Variants in GPHN observed in about 807,000 individuals in gnomAD.
The protein encoded by GPHN is gephyrin.
Under a neutral mutation model 95.5 loss-of-function variants are expected in GPHN, and 17 were observed. That is an observed-to-expected ratio of 0.18 (90% confidence interval 0.12 to 0.27). GPHN has a LOEUF of 0.27. Ranked by LOEUF, GPHN falls within the 10% of genes least tolerant of loss-of-function variation. The pLI is 1.00. For missense variants in GPHN, 660 were observed against 978.1 expected, an observed-to-expected ratio of 0.67 and a Z score of 4.34; for synonymous variants, 320 against 322.5, an observed-to-expected ratio of 0.99 and a Z score of 0.08.
intron 3 of GPHN, among the ~76,000 whole-genome samples, chr14:66,813,394 T>G (rs1031075518): frequency 2.6e-5 from 4 of 152,042 alleles, no homozygotes; most frequent in African/African-American, 9.7e-5. Flanking sequence ...GGAGAAGACA[T>G]AGAAGCTGGG....
chr14:66,827,873 AGT>A (rs1261710824), intron 4 of GPHN, among the ~76,000 whole-genome samples: 6 of 151,978 alleles, frequency 3.9e-5, no homozygotes, highest in Admixed American at 3.9e-4. Flanking sequence ...CTAGTTGACA[AGT>A]GTCTGTTTCC....
the GPHN span, chr14:67,221,894 G>C: frequency 6.5e-7 from 1 of 1,527,212 alleles, no homozygotes; most frequent in South Asian, 1.2e-5. Flanking sequence ...GTGTGGCTAA[G>C]AGCAAAGGAA....
At chr14:67,509,610 C>T in the GPHN span, among the ~76,000 whole-genome samples, 94,677 of 151,888 alleles carry the variant, frequency 0.62, 31,584 homozygotes, top group Non-Finnish European at 0.76. Context: ...TGAGCCACCG[C>T]ACCTGGTCAA....
At chr14:67,541,825 G>A in the GPHN span, 1 of 1,523,142 alleles carries the variant, frequency 6.6e-7, no homozygotes, top group Non-Finnish European at 8.8e-7. Flanking sequence ...TCTGCATGCT[G>A]GTTCTTAGGG....
intron 11 of GPHN, among the ~76,000 whole-genome samples, chr14:67,072,435 T>C (rs2076347282): frequency 6.6e-6 from 1 of 152,106 alleles, no homozygotes; most frequent in Admixed American, 6.6e-5. Flanking sequence ...TTAGAGCACC[T>C]AGTGCTGCAA....
the GPHN span, among the ~76,000 whole-genome samples, chr14:67,345,201 C>T: frequency 6.6e-6 from 1 of 152,044 alleles, no homozygotes; most frequent in African/African-American, 2.4e-5. Context: ...GGGATTATGC[C>T]ACTGCACTCC....
At chr14:67,596,295 A>ATTTTTTTT in the GPHN span, among the ~76,000 whole-genome samples, 248 of 60,222 alleles carry the variant, frequency 4.1e-3, 51 homozygotes, top group East Asian at 0.018. Context: ...CGCCCAGCTA[A>ATTTTTTTT]TTTTTTTTTT....
At chr14:67,224,914 G>A in the GPHN span, 2 of 444,650 alleles carry the variant, frequency 4.5e-6, no homozygotes, top group Non-Finnish European at 7.8e-6. Flanking sequence ...ACCTGCTTGT[G>A]AAATTCAACA....
chr14:67,616,212 C>CT, the GPHN span: 1 of 202,440 alleles, frequency 4.9e-6, no homozygotes, highest in South Asian at 8.4e-5. Context: ...AAACTGTACA[C>CT]TGTCTTTTTT....
intron 1 of GPHN, among the ~76,000 whole-genome samples, chr14:66,515,189 T>A (rs2139731723): frequency 6.6e-6 from 1 of 152,296 alleles, no homozygotes. Flanking sequence ...GATTTTAAAG[T>A]TCTTGAGATA....
chr14:67,143,954 T>C (rs2080658934), intron 18 of GPHN, among the ~76,000 whole-genome samples: 1 of 151,542 alleles, frequency 6.6e-6, no homozygotes, highest in African/African-American at 2.4e-5. Flanking sequence ...AATGAAAATA[T>C]GGCCAGGCAC....
the GPHN span, among the ~76,000 whole-genome samples, chr14:67,198,648 G>A: frequency 9.9e-5 from 15 of 152,212 alleles, 3 homozygotes; most frequent in East Asian, 1.9e-4. Flanking sequence ...TTTCTTAGGC[G>A]TAGAAGACAT....
chr14:66,623,307 C>T (rs1311340904), intron 1 of GPHN, among the ~76,000 whole-genome samples: 11 of 152,100 alleles, frequency 7.2e-5, no homozygotes, highest in Admixed American at 7.2e-4. Context: ...CAGGTTCCTC[C>T]CAAGACATGT....
At chr14:66,732,636 C>T (rs1250218482) in intron 2 of GPHN, among the ~76,000 whole-genome samples, 2 of 152,172 alleles carry the variant, frequency 1.3e-5, no homozygotes, top group African/African-American at 4.8e-5. Context: ...TCTGCCTCAG[C>T]CTCCCATGTA....
At chr14:66,941,969 A>C (rs1313995950) in intron 8 of GPHN, among the ~76,000 whole-genome samples, 1 of 152,282 alleles carries the variant, frequency 6.6e-6, no homozygotes, top group African/African-American at 2.4e-5. Flanking sequence ...AGATTGCTTC[A>C]GTTTTCTGCA....
intron 19 of GPHN, 103 bp downstream of exon 19, chr14:67,159,591 C>A: frequency 1.3e-6 from 1 of 775,440 alleles, no homozygotes; most frequent in Non-Finnish European, 2.4e-6. Flanking sequence ...TATGAATTAA[C>A]TATTCCAAAA....
intron 2 of GPHN, 40 bp downstream of exon 2, chr14:66,681,225 T>A: frequency 8.5e-7 from 1 of 1,171,118 alleles, no homozygotes; most frequent in Non-Finnish European, 1.3e-6. Flanking sequence ...AAATTAAAAC[T>A]TTATTATTAG....
At chr14:66,942,342 T>C (rs546508239) in intron 8 of GPHN, among the ~76,000 whole-genome samples, 2 of 152,222 alleles carry the variant, frequency 1.3e-5, no homozygotes, top group African/African-American at 2.4e-5. Context: ...TTGCTTAATA[T>C]TGATGAACAT....
the GPHN span, among the ~76,000 whole-genome samples, chr14:67,641,430 T>G: frequency 1.3e-5 from 2 of 152,208 alleles, no homozygotes; most frequent in African/African-American, 4.8e-5. Flanking sequence ...TTCTGGCACT[T>G]AATAGCTGTG....
Sources: allele counts gnomAD v4.1 joint callset (sites outside exome capture counted in the v4.1 genomes callset), GRCh38; gene constraint gnomAD v4.1.1; transcripts MANE v1.5; gene names NCBI Gene and HGNC (gene_info 2026-07-23, HGNC 2026-07-21).